PDE4D: variants seen among roughly 807,000 people sequenced by gnomAD.
PDE4D encodes phosphodiesterase 4D, also known as 3',5'-cyclic-AMP phosphodiesterase 4D.
A neutral mutation model predicts 87.4 loss-of-function variants in PDE4D; 24 were observed. The observed-to-expected ratio is 0.27, with a 90% CI of 0.20 to 0.39. The LOEUF is 0.39. PDE4D is among the 10% of genes least tolerant of loss of function. PDE4D has a pLI of 1.00. For missense variants in PDE4D, 714 were observed against 1,041.0 expected, an observed-to-expected ratio of 0.69 and a Z score of 4.32; for synonymous variants, 384 against 383.2, an observed-to-expected ratio of 1.00 and a Z score of -0.02.
intron 1 of PDE4D, among the ~76,000 whole-genome samples, chr5:59,750,409 C>T (rs1461191637): frequency 6.6e-6 from 1 of 152,096 alleles, no homozygotes; most frequent in Non-Finnish European, 1.5e-5. Flanking sequence ...TTTTCTATAA[C>T]TTCCCCCCTC....
At chr5:60,167,103 A>G (rs938785131) in intron 2 of PDE4D, among the ~76,000 whole-genome samples, 5 of 152,078 alleles carry the variant, frequency 3.3e-5, no homozygotes, top group Non-Finnish European at 7.4e-5. Context: ...CCAGATTTGG[A>G]AAGTTTTCTG....
chr5:60,331,469 T>C (rs1014967799), intron 1 of PDE4D, among the ~76,000 whole-genome samples: 2 of 152,234 alleles, frequency 1.3e-5, no homozygotes, highest in Non-Finnish European at 2.9e-5. Flanking sequence ...TGCAAACTTA[T>C]GTATGGACGC....
intron 6 of PDE4D, among the ~76,000 whole-genome samples, chr5:59,036,307 A>G (rs1580438873): frequency 6.6e-6 from 1 of 152,242 alleles, no homozygotes; most frequent in Non-Finnish European, 1.5e-5. Context: ...GAGAACACAG[A>G]AAACTGTCAT....
intron 1 of PDE4D, among the ~76,000 whole-genome samples, chr5:59,244,680 C>CTGTGTGTGTGTGTG (rs369829189): frequency 9.2e-5 from 11 of 120,054 alleles, no homozygotes; most frequent in Non-Finnish European, 1.8e-4. Context: ...GTGTGTGTGT[C>CTGTGTGTGTGTGTG]TGTGTGTGTG....
intron 1 of PDE4D, among the ~76,000 whole-genome samples, chr5:59,344,317 G>T (rs958851): frequency 0.2 from 29,916 of 152,170 alleles, 3,127 homozygotes; most frequent in Middle Eastern, 0.27. Context: ...AAAAATGCTT[G>T]AAAAGCAGCC....
At chr5:60,008,050 C>T (rs926501312) in intron 2 of PDE4D, among the ~76,000 whole-genome samples, 1 of 151,956 alleles carries the variant, frequency 6.6e-6, no homozygotes. Flanking sequence ...TCTCAAGTCA[C>T]TATAAGATAG....
Position 59,886,431 on chromosome 5 carries a change from C to T in PDE4D, c.455+6737G>A, listed in dbSNP as rs539655535. Among the ~76,000 whole-genome samples the T allele has an allele frequency of 1.3e-4, 19 of 151,992 alleles. No homozygotes were observed. The South Asian group carries it at 3.7e-3, about 30-fold the overall frequency. ...ACTCGGGAGGCTGAGGCAGGAGAAT[C>T]GCTTGAACCCGGTAGGCGGAGCTTG... is the stretch of plus-strand genomic sequence containing the variant. On this transcript the variant is annotated intron_variant, in intron 1 of 14. Coordinates refer to ENST00000340635, the MANE Select transcript of PDE4D (RefSeq NM_001104631.2).
At chr5:60,025,877 G>A (rs35046677) in intron 2 of PDE4D, among the ~76,000 whole-genome samples, 7,119 of 152,188 alleles carry the variant, frequency 0.047, 229 homozygotes, top group Middle Eastern at 0.085. Flanking sequence ...GTGAGACCCT[G>A]TCTCAGAAAC....
chr5:59,249,280 A>C (rs554372770), intron 1 of PDE4D, among the ~76,000 whole-genome samples: 1 of 152,300 alleles, frequency 6.6e-6, no homozygotes, highest in South Asian at 2.1e-4. Context: ...CTTTAACCTA[A>C]TATGTGGATA....
chr5:60,434,720 C>T (rs966859996), intron 1 of PDE4D, among the ~76,000 whole-genome samples: 1 of 151,994 alleles, frequency 6.6e-6, no homozygotes, highest in African/African-American at 2.4e-5. Flanking sequence ...TCTCTGATTC[C>T]ATCTCTCACT....
intron 1 of PDE4D, among the ~76,000 whole-genome samples, chr5:59,311,250 G>C (rs1772533976): frequency 6.6e-6 from 1 of 152,012 alleles, no homozygotes; most frequent in Non-Finnish European, 1.5e-5. Context: ...CTTTCAGCTG[G>C]GCGTGGTGGC....
intron 1 of PDE4D, among the ~76,000 whole-genome samples, chr5:59,853,573 T>G (rs1264814001): frequency 6.6e-6 from 1 of 152,054 alleles, no homozygotes; most frequent in Non-Finnish European, 1.5e-5. Context: ...CTAGCATTAA[T>G]AAAATAATTT....
intron 1 of PDE4D, among the ~76,000 whole-genome samples, chr5:60,193,411 C>T (rs1785351318): frequency 6.6e-6 from 1 of 152,016 alleles, no homozygotes; most frequent in African/African-American, 2.4e-5. Context: ...TGGCTCACGC[C>T]TGTAATCCCA....
intron 1 of PDE4D, among the ~76,000 whole-genome samples, chr5:59,458,127 T>C (rs1474382918): frequency 6.6e-6 from 1 of 152,208 alleles, no homozygotes; most frequent in East Asian, 1.9e-4. Context: ...CATTCTGTGG[T>C]TTTGATACAT....
intron 1 of PDE4D, chr5:59,587,356 T>C (rs1825316273): frequency 2.7e-6 from 2 of 748,020 alleles, no homozygotes; most frequent in Admixed American, 1.3e-4. Context: ...CTCAATCTCT[T>C]TTGTTTTTCA....
chr5:60,222,016 C>T (rs2149599050), intron 1 of PDE4D, among the ~76,000 whole-genome samples: 1 of 152,230 alleles, frequency 6.6e-6, no homozygotes, highest in South Asian at 2.1e-4. Context: ...TATCTCAATG[C>T]TCTTGCATAG....
At chr5:59,183,132 A>G (rs927874744) in intron 4 of PDE4D, among the ~76,000 whole-genome samples, 3 of 152,320 alleles carry the variant, frequency 2.0e-5, no homozygotes, top group African/African-American at 7.2e-5. Flanking sequence ...AATCGAGTTT[A>G]GCCGTGAATA....
Position 60,171,881 on chromosome 5 carries a change from C to T in PDE4D, c.42+13676G>A, listed in dbSNP as rs377162811. ...CTAACTTTAAGGTTTTAAAATGATT[C>T]GACTTTTCAATTTTATTATTAAAAC... On this transcript the variant is annotated intron_variant, in intron 2 of 16. Coordinates refer to the PDE4D transcript ENST00000502484. Among the ~76,000 whole-genome samples, 14 of 151,850 alleles carry T rather than the reference C, an allele frequency of 9.2e-5. 1 individual carries two copies. The highest frequency in any genetic ancestry group is 7.8e-4 in the East Asian group (4 of 5,160).
At chr5:59,120,909 G>T (rs1774383037) in intron 5 of PDE4D, among the ~76,000 whole-genome samples, 1 of 152,100 alleles carries the variant, frequency 6.6e-6, no homozygotes, top group Non-Finnish European at 1.5e-5. Context: ...TAGACAGAGA[G>T]CATAATGATA....
Sources: allele counts gnomAD v4.1 joint callset (sites outside exome capture counted in the v4.1 genomes callset), GRCh38; gene constraint gnomAD v4.1.1; transcripts MANE v1.5; gene names NCBI Gene and HGNC (gene_info 2026-07-23, HGNC 2026-07-21).